KCNQ1: variants seen among roughly 807,000 people sequenced by gnomAD.
The protein encoded by KCNQ1 is potassium voltage-gated channel subfamily Q member 1.
A neutral mutation model predicts 72.4 loss-of-function variants in KCNQ1; 49 were observed. The ratio of observed to expected loss-of-function variants is 0.68; its 90% confidence interval spans 0.54 to 0.86. The LOEUF is 0.86. KCNQ1 is among the 40% of genes least tolerant of loss of function. The probability of loss-of-function intolerance (pLI) is 0.00; values close to 1 mark genes in which losing one functional copy is unlikely to be tolerated. For synonymous variants in KCNQ1, 450 were observed against 412.6 expected (o/e 1.09, Z -1.10); for missense variants, 790 against 945.1 (o/e 0.84, Z 2.15).
chr11:2,733,996 T>A (rs1302652253), intron 11 of KCNQ1, among the ~76,000 whole-genome samples: 1 of 151,812 alleles, frequency 6.6e-6, no homozygotes, highest in Non-Finnish European at 1.5e-5. Flanking sequence ...CCCCTGAACA[T>A]CCTCCTCAGA....
At chr11:2,578,507 G>C (rs1173843213) in intron 6 of KCNQ1, among the ~76,000 whole-genome samples, 1 of 152,254 alleles carries the variant, frequency 6.6e-6, no homozygotes, top group African/African-American at 2.4e-5. Context: ...CGAGGGCCCA[G>C]CTCTGCGAGA....
At chr11:2,476,426 T>G (rs1846569495) in intron 1 of KCNQ1, among the ~76,000 whole-genome samples, 1 of 152,126 alleles carries the variant, frequency 6.6e-6, no homozygotes, top group African/African-American at 2.4e-5. Flanking sequence ...CGAGGCAAAT[T>G]TATAGCTACA....
At chr11:2,472,762 C>T (rs1846507373) in intron 1 of KCNQ1, among the ~76,000 whole-genome samples, 1 of 152,072 alleles carries the variant, frequency 6.6e-6, no homozygotes, top group African/African-American at 2.4e-5. Context: ...TAGGGGTACC[C>T]AGTAGAGCTG....
In KCNQ1 at chr11:2,699,990, G is replaced by T. The variant is rs371791788; in HGVS notation, c.1514+37909G>T. The T allele has an allele frequency of 1.5e-5, 6 of 398,294 alleles. No homozygotes were observed. The East Asian group carries it at 1.8e-4, about 12-fold the overall frequency. The allele number at this position is 398,294 out of a possible 1,614,324, so 24.7% of individuals were successfully genotyped here. On this transcript the variant is annotated intron_variant, in intron 11 of 15. Coordinates refer to ENST00000155840, the MANE Select transcript of KCNQ1 (RefSeq NM_000218.3). The stretch of plus-strand genomic sequence containing the variant: ...TCCGTGCTGAGGCGACGCGGCGACC[G>T]TTCTGCCTGGAGACTGCGGCAGCGC...
At chr11:2,522,954 G>A (rs1234687790) in intron 1 of KCNQ1, among the ~76,000 whole-genome samples, 1 of 152,190 alleles carries the variant, frequency 6.6e-6, no homozygotes, top group Non-Finnish European at 1.5e-5. Flanking sequence ...GTATTCTCCC[G>A]CAACGCCCAG....
intron 15 of KCNQ1, among the ~76,000 whole-genome samples, chr11:2,836,180 G>A (rs1488639363): frequency 6.6e-6 from 1 of 152,200 alleles, no homozygotes; most frequent in Non-Finnish European, 1.5e-5. Flanking sequence ...ATTTCTGAGG[G>A]AGAGGGACAC....
intron 11 of KCNQ1, chr11:2,667,202 C>G (rs915653361): frequency 7.5e-6 from 3 of 398,736 alleles, no homozygotes; most frequent in African/African-American, 4.1e-5. Context: ...GGCGGCCCCC[C>G]GTGGCCCCCT....
rs570446171 is a variant in KCNQ1, at chr11:2,631,768, G to A, written c.1394-30193G>A. 6 of 398,640 alleles carry A rather than the reference G, an allele frequency of 1.5e-5. No individual in the cohort carries two copies. The Admixed American group carries it at 2.6e-4, about 18-fold the overall frequency. 24.7% of individuals were successfully genotyped at this position (398,640 alleles called of 1,614,324 possible). On this transcript the variant is annotated intron_variant, in intron 10 of 15. Transcript: ENST00000155840. ...TCTTCTTGCAGCTCCATCAGCTGAG[G>A]TCAGCAGTGGCAAACATTACAAAGG...
In KCNQ1 at chr11:2,522,467, G is replaced by A. The variant is rs74947083; in HGVS notation, c.387-5461G>A. ...AGGTGGCCCTGCAGAGGCAGGAGGG[G>A]ACACAGGCACCCCAGGCCCTGAGTG... On this transcript the variant is annotated intron_variant, in intron 1 of 15. Coordinates refer to ENST00000155840, the MANE Select transcript of KCNQ1 (RefSeq NM_000218.3). Among the ~76,000 whole-genome samples the A allele has an allele frequency of 4.2e-3, 634 of 152,290 alleles. 5 individuals are homozygous for A. The highest frequency in any genetic ancestry group is 0.015 in the African/African-American group (610 of 41,566).
intron 1 of KCNQ1, among the ~76,000 whole-genome samples, chr11:2,505,126 T>C (rs775179327): frequency 4.6e-5 from 7 of 152,136 alleles, no homozygotes; most frequent in Non-Finnish European, 1.0e-4. Context: ...TAGGTAAATG[T>C]GTGCCACGGT....
intron 11 of KCNQ1, among the ~76,000 whole-genome samples, chr11:2,756,974 A>AC: frequency 7.7e-6 from 1 of 129,592 alleles, no homozygotes; most frequent in East Asian, 2.0e-4. Context: ...AAAAAAAAAA[A>AC]AAAAAAACCC....
Position 2,682,288 on chromosome 11 carries a change from A to G in KCNQ1, c.1514+20207A>G, listed in dbSNP as rs1394190319. Reference sequence around the variant, plus strand: ...AAAGCTTAAGACTGGGCTGTAAAAAATCACATACCTCCCCTCCCATTCTTA... The same window carrying G: ...AAAGCTTAAGACTGGGCTGTAAAAAGTCACATACCTCCCCTCCCATTCTTA... On this transcript the variant is annotated intron_variant, in intron 11 of 15. Transcript: ENST00000155840. This position sits in a 1 kb window ranked among gnomAD's most constrained non-coding sequence, Gnocchi z 5.8. 1 of 398,472 alleles carries G rather than the reference A, an allele frequency of 2.5e-6. No homozygotes were observed. The highest frequency in any genetic ancestry group is 1.3e-4 in the South Asian group (1 of 7,862). The allele number at this position is 398,472 out of a possible 1,614,324, so 24.7% of individuals were successfully genotyped here. A position where few individuals can be genotyped will look rare whatever the true frequency, so the allele number is the denominator to read the frequency against.
chr11:2,724,814 G>A lies in KCNQ1; in HGVS notation c.1515-44030G>A, dbSNP rs1484702318. ...TGGAGTCACTGGGCTGAAGCTTCTGGCCATCGTATGGAGCTGGAACAAGGC... is the reference window on the plus strand; with the variant it reads ...TGGAGTCACTGGGCTGAAGCTTCTGACCATCGTATGGAGCTGGAACAAGGC... On this transcript the variant is annotated intron_variant, in intron 11 of 15. Transcript: ENST00000155840. This position sits in a 1 kb window ranked among gnomAD's most constrained non-coding sequence, Gnocchi z 6.8. Among the ~76,000 whole-genome samples, 1 of 152,178 alleles carries A rather than the reference G, an allele frequency of 6.6e-6. No homozygotes were observed. Among genetic ancestry groups the A allele is most frequent in the African/African-American group, 2.4e-5 (1 of 41,442 alleles).
intron 11 of KCNQ1, chr11:2,685,544 C>G (rs915916910): frequency 7.5e-6 from 3 of 398,620 alleles, no homozygotes; most frequent in East Asian, 3.6e-5. Context: ...GTGGGAGGAT[C>G]TGCAGATGAC....
At chr11:2,763,884 C>T (rs1846450987) in intron 11 of KCNQ1, among the ~76,000 whole-genome samples, 1 of 144,558 alleles carries the variant, frequency 6.9e-6, no homozygotes, top group Non-Finnish European at 1.5e-5. Context: ...TATTATATAT[C>T]ATCCTTAAAA....
intron 11 of KCNQ1, chr11:2,692,041 C>A (rs1393195268): frequency 7.5e-6 from 3 of 398,778 alleles, no homozygotes; most frequent in Non-Finnish European, 1.3e-5. Context: ...CCTGACCCCC[C>A]AAATGTCTCT....
chr11:2,526,238 G>A lies in KCNQ1; in HGVS notation c.387-1690G>A, dbSNP rs117741629. 0.016 allele frequency among the ~76,000 whole-genome samples: 2,497 copies of A among 152,006 alleles called. 29 individuals are homozygous for A. The highest frequency in any genetic ancestry group is 0.024 in the Non-Finnish European group (1,609 of 67,938). ...GACTGGCTGGGTGTGTGGGCTGGGGGCGCCGAGGGTGGAGGTGGGCACTGT... is the reference window on the plus strand; with the variant it reads ...GACTGGCTGGGTGTGTGGGCTGGGGACGCCGAGGGTGGAGGTGGGCACTGT... On this transcript the variant is annotated intron_variant, in intron 1 of 15. Transcript: ENST00000155840. This position sits in a 1 kb window ranked among gnomAD's most constrained non-coding sequence, Gnocchi z 6.1.
rs375560125 is a variant in KCNQ1 at position 2,667,156 on chromosome 11, T to C, written c.1514+5075T>C. On this transcript the variant is annotated intron_variant, in intron 11 of 15. Transcript: ENST00000155840. Reference sequence around the variant, plus strand: ...AGATGGGATTGGGAATCAGATGCCCTCAATCTGGCTTCCAGCCTGCCATCA... The same window carrying C: ...AGATGGGATTGGGAATCAGATGCCCCCAATCTGGCTTCCAGCCTGCCATCA... The C allele has an allele frequency of 1.0e-3, 403 of 398,646 alleles. No individual in the cohort carries two copies. The highest frequency in any genetic ancestry group is 1.9e-3 in the Middle Eastern group (3 of 1,588). 24.7% of individuals were successfully genotyped at this position (398,646 alleles called of 1,614,324 possible). A position where few individuals can be genotyped will look rare whatever the true frequency, so the allele number is the denominator to read the frequency against.
intron 11 of KCNQ1, chr11:2,665,235 CAA>C (rs1564850666): frequency 2.5e-6 from 1 of 398,464 alleles, no homozygotes; most frequent in Non-Finnish European, 4.4e-6. Flanking sequence ...GAATGGGGCA[CAA>C]GAGAGTCCCT....
Sources: allele counts gnomAD v4.1 joint callset (sites outside exome capture counted in the v4.1 genomes callset), GRCh38; gene constraint gnomAD v4.1.1; non-coding constraint Gnocchi (gnomAD v3.1); transcripts MANE v1.5; gene names NCBI Gene and HGNC (gene_info 2026-07-23, HGNC 2026-07-21).